CAMTA1: variants seen among roughly 807,000 people sequenced by gnomAD.
The protein encoded by CAMTA1 is calmodulin binding transcription activator 1.
Under a neutral mutation model 170.9 loss-of-function variants are expected in CAMTA1, and 27 were observed. The ratio of observed to expected loss-of-function variants is 0.16; its 90% CI spans 0.12 to 0.22. The LOEUF (loss-of-function observed/expected upper bound fraction) is 0.22, where lower values mean the gene tolerates loss of function less well. Among genes scored for constraint, CAMTA1 ranks in the 10% least tolerant of loss-of-function variants. The pLI, the probability that CAMTA1 is intolerant of heterozygous loss-of-function variation, is 1.00. For missense variants in CAMTA1, 1,619 were observed against 2,217.2 expected (o/e 0.73, Z 5.42); for synonymous variants, 833 against 891.5 (o/e 0.93, Z 1.17).
intron 6 of CAMTA1, among the ~76,000 whole-genome samples, chr1:7,495,452 C>A (rs186606096): frequency 4.6e-5 from 7 of 152,202 alleles, no homozygotes; most frequent in African/African-American, 1.7e-4. Context: ...TCTTTGGGGC[C>A]CCATGTTCCA....
chr1:7,059,438 C>T (rs922969814), intron 3 of CAMTA1, among the ~76,000 whole-genome samples: 4 of 152,058 alleles, frequency 2.6e-5, no homozygotes, highest in East Asian at 1.9e-4. Flanking sequence ...GACGATATAC[C>T]GGGACCCCAT....
intron 4 of CAMTA1, among the ~76,000 whole-genome samples, chr1:7,164,347 T>C (rs773736501): frequency 3.9e-5 from 6 of 152,194 alleles, no homozygotes; most frequent in Non-Finnish European, 7.3e-5. Flanking sequence ...GTGGTGGGAA[T>C]TGAGTTGAAT....
chr1:7,712,745 C>T (rs2096580191), intron 11 of CAMTA1, among the ~76,000 whole-genome samples: 1 of 152,148 alleles, frequency 6.6e-6, no homozygotes, highest in South Asian at 2.1e-4. Flanking sequence ...ATACTCCAGA[C>T]TGGGTAATTT....
intron 6 of CAMTA1, among the ~76,000 whole-genome samples, chr1:7,624,562 G>A (rs1162226857): frequency 1.3e-5 from 2 of 152,222 alleles, no homozygotes; most frequent in African/African-American, 4.8e-5. Flanking sequence ...AAGGGAGAGG[G>A]TGATGGGTGG....
At chr1:7,149,060 A>G (rs758125660) in intron 4 of CAMTA1, among the ~76,000 whole-genome samples, 53 of 151,966 alleles carry the variant, frequency 3.5e-4, no homozygotes, top group Non-Finnish European at 6.2e-4. Context: ...TTCCACAATC[A>G]TCCACTCCCT....
chr1:6,915,640 C>T (rs1206297174), intron 3 of CAMTA1, among the ~76,000 whole-genome samples: 1 of 152,180 alleles, frequency 6.6e-6, no homozygotes, highest in Non-Finnish European at 1.5e-5. Context: ...CAGTGGAGGG[C>T]TCATCACAGG....
At chr1:7,032,598 G>A (rs1200126082) in intron 3 of CAMTA1, among the ~76,000 whole-genome samples, 1 of 151,960 alleles carries the variant, frequency 6.6e-6, no homozygotes, top group East Asian at 1.9e-4. Flanking sequence ...ATAGATTTAA[G>A]GAATAAAAAG....
intron 4 of CAMTA1, among the ~76,000 whole-genome samples, chr1:7,210,917 A>G (rs899791601): frequency 6.6e-6 from 1 of 152,212 alleles, no homozygotes; most frequent in Non-Finnish European, 1.5e-5. Flanking sequence ...GATTTGGCCA[A>G]TGGAAGCCCT....
At chr1:7,103,791 A>G (rs934954004) in intron 4 of CAMTA1, among the ~76,000 whole-genome samples, 2 of 151,368 alleles carry the variant, frequency 1.3e-5, no homozygotes, top group Non-Finnish European at 2.9e-5. Context: ...CTACACGTAC[A>G]TACAACGCAC....
rs899009520 is a variant in CAMTA1 at position 7,751,046 on chromosome 1, C to T, written c.4690-153C>T. The T allele has an allele frequency of 5.3e-5, 40 of 748,522 alleles. No homozygotes were observed. In the African/African-American group the frequency reaches 6.6e-4, roughly 12 times the overall value. 46.4% of individuals were successfully genotyped at this position (748,522 alleles called of 1,614,324 possible). On this transcript the variant is annotated intron_variant, in intron 19 of 22. Coordinates refer to ENST00000303635, the MANE Select transcript of CAMTA1 (RefSeq NM_015215.4). ...TGGAAAGGTAGGTGTAAAGATTCCT[C>T]ATTTGCCTCTTTTGTGATTAAACCC...
At chr1:7,006,513 G>T (rs1699027442) in intron 3 of CAMTA1, among the ~76,000 whole-genome samples, 1 of 152,104 alleles carries the variant, frequency 6.6e-6, no homozygotes, top group African/African-American at 2.4e-5. Context: ...CAAGGCCTGG[G>T]TTCAGAATAT....
chr1:7,547,367 CACA>C lies in CAMTA1; in HGVS notation c.510+79467_510+79469del, dbSNP rs1199085051. On this transcript the variant is annotated intron_variant, in intron 6 of 22. Coordinates refer to ENST00000303635, the MANE Select transcript of CAMTA1 (RefSeq NM_015215.4). This position sits in a 1 kb window ranked among gnomAD's most constrained non-coding sequence, Gnocchi z 5.7. ...TCATATGCACACACACACACACACA[CACA>C]CACACACACACACACACACAGAGTT... Among the ~76,000 whole-genome samples the C allele has an allele frequency of 6.6e-6, 1 of 150,458 alleles. No homozygotes were observed. Among genetic ancestry groups the C allele is most frequent in the Non-Finnish European group, 1.5e-5 (1 of 67,936 alleles).
intron 16 of CAMTA1, among the ~76,000 whole-genome samples, chr1:7,740,742 T>C (rs558795318): frequency 3.9e-5 from 6 of 152,348 alleles, no homozygotes; most frequent in African/African-American, 1.4e-4. Context: ...TTATTTAAGT[T>C]TAAATAGCCA....
intron 3 of CAMTA1, among the ~76,000 whole-genome samples, chr1:6,925,881 A>G (rs1682983647): frequency 1.3e-5 from 2 of 152,198 alleles, no homozygotes; most frequent in Non-Finnish European, 2.9e-5. Flanking sequence ...GCAGGGTAGT[A>G]GGGCAAGAGG....
chr1:7,339,904 T>C (rs1275783528), intron 5 of CAMTA1, among the ~76,000 whole-genome samples: 3 of 152,152 alleles, frequency 2.0e-5, no homozygotes, highest in African/African-American at 7.2e-5. Flanking sequence ...GCTGATCATC[T>C]CACTCTCTTC....
intron 3 of CAMTA1, among the ~76,000 whole-genome samples, chr1:7,031,149 T>C (rs1702744979): frequency 6.6e-6 from 1 of 151,986 alleles, no homozygotes; most frequent in African/African-American, 2.4e-5. Flanking sequence ...ACTTGTTTTA[T>C]TGATTATTAA....
chr1:7,484,344 G>A (rs1321185939), intron 6 of CAMTA1, among the ~76,000 whole-genome samples: 2 of 152,226 alleles, frequency 1.3e-5, no homozygotes, highest in East Asian at 3.9e-4. Flanking sequence ...CAGGCCCTGG[G>A]TGTTCACACT....
intron 5 of CAMTA1, among the ~76,000 whole-genome samples, chr1:7,343,933 C>T (rs943893611): frequency 6.6e-5 from 10 of 152,204 alleles, no homozygotes; most frequent in Non-Finnish European, 1.3e-4. Flanking sequence ...CACCATTCAC[C>T]GAACTCTTCT....
chr1:7,563,787 C>T (rs569140872), intron 6 of CAMTA1, among the ~76,000 whole-genome samples: 22 of 152,294 alleles, frequency 1.4e-4, no homozygotes, highest in Admixed American at 3.9e-4. Flanking sequence ...AAAGTAGAGG[C>T]TCCTGCATTT....
Sources: gnomAD v4.1 joint callset for allele counts (sites outside exome capture counted in the v4.1 genomes callset) on GRCh38, gnomAD v4.1.1 for gene constraint, Gnocchi (gnomAD v3.1) non-coding constraint, MANE v1.5 for transcripts, NCBI Gene and HGNC (gene_info 2026-07-23, HGNC 2026-07-21) for gene names.